The following RASGEF1C variants were observed in gnomAD, a reference collection of about 807,000 sequenced individuals.
RASGEF1C encodes ras-GEF domain-containing family member 1C.
RASGEF1C carries 27 observed loss-of-function variants against 58.1 expected under a neutral mutation model. The observed-to-expected ratio is 0.46, with a 90% CI of 0.34 to 0.64. The LOEUF (loss-of-function observed/expected upper bound fraction) is 0.64, where lower values mean the gene tolerates loss of function less well. Ranked by LOEUF, RASGEF1C falls within the 30% of genes least tolerant of loss-of-function variation. The pLI is 0.01. For missense variants in RASGEF1C, 502 were observed against 605.1 expected, an observed-to-expected ratio of 0.83 and a Z score of 1.79; for synonymous variants, 243 against 246.3, an observed-to-expected ratio of 0.99 and a Z score of 0.13.
intron 12 of RASGEF1C, among the ~76,000 whole-genome samples, chr5:180,111,183 A>G (rs1456506882): frequency 1.3e-5 from 2 of 152,130 alleles, no homozygotes; most frequent in Non-Finnish European, 2.9e-5. Flanking sequence ...GTTCTGATTT[A>G]GAATTCTAAA....
intron 1 of RASGEF1C, among the ~76,000 whole-genome samples, chr5:180,170,753 G>A (rs895721127): frequency 6.6e-6 from 1 of 152,216 alleles, no homozygotes; most frequent in African/African-American, 2.4e-5. Context: ...TGCCTGCCTG[G>A]CCACCTGCCT....
intron 1 of RASGEF1C, among the ~76,000 whole-genome samples, chr5:180,162,428 C>T (rs940973575): frequency 1.3e-5 from 2 of 152,236 alleles, no homozygotes; most frequent in South Asian, 2.1e-4. Flanking sequence ...CTAGGATCCA[C>T]GGCCTGGGCG....
At chr5:180,206,742 C>T (rs916580074) in intron 1 of RASGEF1C, among the ~76,000 whole-genome samples, 1 of 152,132 alleles carries the variant, frequency 6.6e-6, no homozygotes, top group Non-Finnish European at 1.5e-5. Flanking sequence ...GAACGAAATA[C>T]TATGTGAGTG....
rs188445387 is a variant in RASGEF1C at position 180,128,604 on chromosome 5, G to C, written c.445C>G (p.Arg149Gly). Residue 149 changes from arginine to glycine, a missense_variant, in exon 5 of 14, where the codon CGG becomes GGG. Coordinates refer to ENST00000361132, the MANE Select transcript of RASGEF1C (RefSeq NM_175062.4). Reference protein sequence around the residue: ...GRIAPCDEAYRKRMHQLLQAL... With the variant: ...GRIAPCDEAYGKRMHQLLQAL... Reference sequence around the variant, plus strand: ...TGTAGGAGCTGATGCATCCTCTTCCGGTATGCCTGGTGGGTGGAAAGAAGG... The same window carrying C: ...TGTAGGAGCTGATGCATCCTCTTCCCGTATGCCTGGTGGGTGGAAAGAAGG... The C allele has an allele frequency of 3.9e-4, 623 of 1,613,322 alleles. 1 individual carries two copies. The highest frequency in any genetic ancestry group is 5.1e-4 in the Non-Finnish European group (607 of 1,179,942).
intron 1 of RASGEF1C, 109 bp from the exon 2 acceptor site, chr5:180,138,167 C>T: frequency 1.6e-6 from 1 of 630,280 alleles, no homozygotes; most frequent in East Asian, 3.2e-5. Flanking sequence ...GCTCCCCCCA[C>T]AGCCACTTTG....
chr5:180,191,540 T>C (rs6868288), intron 1 of RASGEF1C, among the ~76,000 whole-genome samples: 65,227 of 151,268 alleles, frequency 0.43, 15,349 homozygotes, highest in African/African-American at 0.63. Flanking sequence ...GTATATTTAG[T>C]AGAGACGGGA....
intron 1 of RASGEF1C, among the ~76,000 whole-genome samples, chr5:180,175,849 G>T (rs62406138): frequency 0.21 from 32,154 of 152,022 alleles, 3,560 homozygotes; most frequent in Non-Finnish European, 0.23. Flanking sequence ...TTAGCCGGGC[G>T]CAGTGGCGGG....
intron 1 of RASGEF1C, among the ~76,000 whole-genome samples, chr5:180,195,999 G>A (rs533617371): frequency 1.4e-4 from 22 of 152,226 alleles, no homozygotes; most frequent in Middle Eastern, 3.4e-3. Context: ...TTTGATGTAC[G>A]CAGACGCTGT....
chr5:180,203,954 C>T (rs1756445240), intron 1 of RASGEF1C, among the ~76,000 whole-genome samples: 1 of 152,042 alleles, frequency 6.6e-6, no homozygotes, highest in African/African-American at 2.4e-5. Context: ...GATCATGCCA[C>T]TGCACTCTAG....
At chr5:180,170,020 G>A (rs73813823) in intron 1 of RASGEF1C, among the ~76,000 whole-genome samples, 89 of 152,298 alleles carry the variant, frequency 5.8e-4, no homozygotes, top group African/African-American at 1.9e-3. Flanking sequence ...CCTGGACCCC[G>A]TTTCATTTTC....
chr5:180,140,528 C>T (rs1416608826), intron 1 of RASGEF1C, among the ~76,000 whole-genome samples: 2 of 152,150 alleles, frequency 1.3e-5, no homozygotes, highest in Non-Finnish European at 2.9e-5. Flanking sequence ...GTGCTCACTG[C>T]GGTGGATGTC....
chr5:180,146,030 G>A (rs1002437407), intron 1 of RASGEF1C, among the ~76,000 whole-genome samples: 7 of 152,132 alleles, frequency 4.6e-5, no homozygotes, highest in Non-Finnish European at 8.8e-5. Context: ...GTCCTTTGAG[G>A]CACAAATGTT....
At chr5:180,105,487 G>A (rs1253135872) in intron 12 of RASGEF1C, among the ~76,000 whole-genome samples, 3 of 152,094 alleles carry the variant, frequency 2.0e-5, no homozygotes, top group Admixed American at 6.5e-5. Context: ...GTGTGAACCC[G>A]GGAGGCGGAG....
rs1767240979 is a variant in RASGEF1C at position 180,177,006 on chromosome 5, G to A, written c.-7+32022C>T. Reference sequence around the variant, plus strand: ...AACCCAAGACAGGGCCCCTGGCCTGGCCTCCAACTCCCACCCAACCTTGGT... The same window carrying A: ...AACCCAAGACAGGGCCCCTGGCCTGACCTCCAACTCCCACCCAACCTTGGT... On this transcript the variant is annotated intron_variant, in intron 1 of 13. Transcript: ENST00000361132. This position sits in a 1 kb window ranked among gnomAD's most constrained non-coding sequence, Gnocchi z 5.0. 6.6e-6 allele frequency among the ~76,000 whole-genome samples: 1 copy of A among 152,136 alleles called. No individual in the cohort carries two copies. Among genetic ancestry groups the A allele is most frequent in the African/African-American group, 2.4e-5 (1 of 41,444 alleles).
chr5:180,138,713 T>C (rs1766528312), intron 1 of RASGEF1C, among the ~76,000 whole-genome samples: 1 of 152,158 alleles, frequency 6.6e-6, no homozygotes, highest in Non-Finnish European at 1.5e-5. Flanking sequence ...CATTCTGGGC[T>C]CTTTGTGATT....
chr5:180,138,014 TG>T lies in RASGEF1C; in HGVS notation c.38del (p.Pro13GlnfsTer34). ...CGGTGGGGGGTGGGCTGAGGCTGCC[TG>T]GGGTGACCATGTCGGAGGCACTCAG... ...QTLSASDMVT[P>X]GSLSPPPTEP... On this transcript the variant is annotated frameshift_variant, in exon 2 of 14. Coordinates refer to ENST00000361132, the MANE Select transcript of RASGEF1C (RefSeq NM_175062.4). LOFTEE classifies it high-confidence loss of function. 6.4e-7 allele frequency: 1 copy of T among 1,557,022 alleles called. No homozygotes were observed. Among genetic ancestry groups the T allele is most frequent in the Non-Finnish European group, 8.6e-7 (1 of 1,159,668 alleles).
intron 1 of RASGEF1C, among the ~76,000 whole-genome samples, chr5:180,195,725 A>G (rs1006394146): frequency 6.6e-5 from 10 of 150,922 alleles, no homozygotes; most frequent in Non-Finnish European, 1.3e-4. Context: ...TCACACCACT[A>G]CTGCACTCCA....
chr5:180,148,331 C>T (rs1298932460), intron 1 of RASGEF1C, among the ~76,000 whole-genome samples: 1 of 151,966 alleles, frequency 6.6e-6, no homozygotes, highest in Non-Finnish European at 1.5e-5. Context: ...AGAGTGTAAT[C>T]TATTTCCTTT....
intron 10 of RASGEF1C, among the ~76,000 whole-genome samples, chr5:180,116,941 G>A (rs751712133): frequency 3.3e-5 from 5 of 152,374 alleles, no homozygotes; most frequent in South Asian, 2.1e-4. Flanking sequence ...GGACTAGTGA[G>A]GTCTCCCGCC....
Sources: allele counts gnomAD v4.1 joint callset (sites outside exome capture counted in the v4.1 genomes callset), GRCh38; gene constraint gnomAD v4.1.1; non-coding constraint Gnocchi (gnomAD v3.1); transcripts MANE v1.5; gene names NCBI Gene and HGNC (gene_info 2026-07-23, HGNC 2026-07-21).